ADAMTS13: variants seen among roughly 807,000 people sequenced by gnomAD.
ADAMTS13 encodes the protein A disintegrin and metalloproteinase with thrombospondin motifs 13.
ADAMTS13 carries 110 observed loss-of-function variants against 155.1 expected under a neutral mutation model. The ratio of observed to expected loss-of-function variants is 0.71; its 90% CI spans 0.61 to 0.83. The LOEUF is 0.83. ADAMTS13 is among the 40% of genes least tolerant of loss of function. The pLI, the probability that ADAMTS13 is intolerant of heterozygous loss-of-function variation, is 0.00. For missense variants in ADAMTS13, 1,707 were observed against 1,891.7 expected, an observed-to-expected ratio of 0.90 and a Z score of 1.81; for synonymous variants, 758 against 756.4, an observed-to-expected ratio of 1.00 and a Z score of -0.03.
In ADAMTS13 at chr9:133,425,969, C is replaced by T. The variant is rs377681196; in HGVS notation, c.446C>T (p.Ser149Leu). The change falls in exon 5 of 29, where the codon TCG (serine) becomes TTG (leucine). Residue 149 changes from serine (S) to leucine (L), a missense_variant. Ser to Leu is a moderately radical substitution (Grantham distance 145). Coordinates refer to ENST00000355699, the MANE Select transcript of ADAMTS13 (RefSeq NM_139027.6). The surrounding 1 kb of genome is among the most constrained non-coding windows in gnomAD (Gnocchi z 4.6). The part of the protein sequence containing the change: ...GAPNITANLT[S>L]SLLSVCGWSQ... ...CCAAATATCACAGCCAACCTCACCT[C>T]GTCCCTGCTGAGCGTCTGTGGGTGG... 8.7e-6 allele frequency: 14 copies of T among 1,613,772 alleles called. No homozygotes were observed. Among genetic ancestry groups the T allele is most frequent in the African/African-American group, 5.3e-5 (4 of 74,938 alleles).
upstream of ADAMTS13, among the ~76,000 whole-genome samples, chr9:133,418,745 T>A (rs1839825719): frequency 6.6e-6 from 1 of 152,212 alleles, no homozygotes. Context: ...TTCCATACAA[T>A]GTCTGAAATC....
chr9:133,456,439 A>C lies in ADAMTS13; in HGVS notation c.3548-104A>C. 1 of 1,458,674 alleles carries C rather than the reference A, an allele frequency of 6.9e-7. No individual in the cohort carries two copies. Among genetic ancestry groups the C allele is most frequent in the Non-Finnish European group, 9.4e-7 (1 of 1,065,634 alleles). 90.4% of individuals were successfully genotyped at this position (1,458,674 alleles called of 1,614,324 possible). On this transcript the variant is annotated intron_variant, in intron 26 of 28. Transcript: ENST00000355699. The surrounding 1 kb of genome is among the most constrained non-coding windows in gnomAD (Gnocchi z 4.4). Reference sequence around the variant, plus strand: ...AGTTACTTAGAGTCACATAGCCAGCAGTGGGAGAGGTGGGACTTGAACTCG... The same window carrying C: ...AGTTACTTAGAGTCACATAGCCAGCCGTGGGAGAGGTGGGACTTGAACTCG...
chr9:133,423,054 G>T, intron 1 of ADAMTS13, 47 bp from the exon 2 acceptor site: 1 of 1,575,604 alleles, frequency 6.3e-7, no homozygotes, highest in Non-Finnish European at 8.7e-7. Context: ...AGGATTACAG[G>T]CCAGAGCCAC....
intron 18 of ADAMTS13, 124 bp downstream of exon 18, chr9:133,442,867 T>TA: frequency 7.1e-7 from 1 of 1,411,376 alleles, no homozygotes; most frequent in Non-Finnish European, 9.4e-7. Flanking sequence ...CTGTGCAGGC[T>TA]CTCATTACCC....
chr9:133,451,629 G>A (rs1304083462), intron 23 of ADAMTS13, among the ~76,000 whole-genome samples: 1 of 152,126 alleles, frequency 6.6e-6, no homozygotes, highest in Non-Finnish European at 1.5e-5. Flanking sequence ...CATGGCTCAC[G>A]CCTGTAATCT....
chr9:133,433,157 G>A (rs587648494), intron 9 of ADAMTS13, among the ~76,000 whole-genome samples: 1 of 144,938 alleles, frequency 6.9e-6, no homozygotes, highest in East Asian at 2.1e-4. Flanking sequence ...CCATGTGGCT[G>A]GGGTACCTGT....
At chr9:133,417,502 A>G, upstream of ADAMTS13, 3 of 1,070,412 alleles carry the variant, frequency 2.8e-6, no homozygotes, top group South Asian at 4.2e-5. Context: ...AGCTGTTTAC[A>G]AGATTTCGAT....
At position 133,441,896 on chromosome 9, in the gene ADAMTS13, CT is replaced by C. The variant is rs35267948; in HGVS notation, c.1969-502del. Among the ~76,000 whole-genome samples, 7,060 of 152,302 alleles carry C rather than the reference CT, an allele frequency of 0.046. 235 individuals carry two copies. The highest frequency in any genetic ancestry group is 0.073 in the Non-Finnish European group (4,994 of 68,016). On this transcript the variant is annotated intron_variant, in intron 16 of 28. Transcript: ENST00000355699. This position sits in a 1 kb window ranked among gnomAD's most constrained non-coding sequence, Gnocchi z 5.0. ...TTAGCCCAGCCTAAGGTGGGCCTGC[CT>C]CCTCCACTGCACTTTATCCTCTACC...
In ADAMTS13 at chr9:133,445,220, G is replaced by A. The variant is rs903082255; in HGVS notation, c.2610+168G>A. ...TGCTCAGAAAAGAAGCTTAGAAAGA[G>A]GGCTCAGGGCCCCTGGGAAGGCTCC... On this transcript the variant is annotated intron_variant, in intron 20 of 28. Transcript: ENST00000355699. The surrounding 1 kb of genome is among the most constrained non-coding windows in gnomAD (Gnocchi z 5.0). 6.6e-6 allele frequency among the ~76,000 whole-genome samples: 1 copy of A among 152,246 alleles called. No individual in the cohort carries two copies. Among genetic ancestry groups the A allele is most frequent in the Non-Finnish European group, 1.5e-5 (1 of 68,036 alleles).
Position 133,449,898 on chromosome 9 carries a change from AC to A in ADAMTS13, c.2980del (p.Gln994SerfsTer127), listed in dbSNP as rs1554793886. ...CGATGGTGAGGAGATCCTGTTGGAC[AC>A]CCAGTGCCAGGGGCTGCCTCGCCCG... ...EDDGEEILLD[T>X]QCQGLPRPEP... On this transcript the variant is annotated frameshift_variant, in exon 23 of 29. Transcript: ENST00000355699. LOFTEE classifies it high-confidence loss of function. 6.2e-7 allele frequency: 1 copy of A among 1,613,636 alleles called. No homozygotes were observed.
intron 8 of ADAMTS13, 135 bp from the exon 9 acceptor site, chr9:133,432,453 G>A (rs1308092821): frequency 1.3e-6 from 1 of 782,124 alleles, no homozygotes; most frequent in Admixed American, 2.0e-5. Context: ...TCCTCTGAGG[G>A]CACCAGTGCC....
intron 22 of ADAMTS13, 97 bp from the exon 23 acceptor site, chr9:133,449,686 G>C: frequency 6.9e-7 from 1 of 1,441,118 alleles, no homozygotes; most frequent in South Asian, 1.2e-5. Context: ...CCAGCTTCCT[G>C]TCTCTTCCTA....
intron 7 of ADAMTS13, 184 bp from the exon 8 acceptor site, chr9:133,429,755 A>T: frequency 1.2e-6 from 1 of 820,342 alleles, no homozygotes; most frequent in Non-Finnish European, 2.0e-6. Context: ...CGCCGGCAGG[A>T]GCCTTAGTCT....
intron 28 of ADAMTS13, among the ~76,000 whole-genome samples, chr9:133,458,651 C>G (rs1306387517): frequency 2.7e-5 from 4 of 148,060 alleles, no homozygotes; most frequent in African/African-American, 9.9e-5. Context: ...CATAATTTTA[C>G]AGTCTGATAT....
rs587646741 is a variant in ADAMTS13 at position 133,454,058 on chromosome 9, C to T, written c.3045-357C>T. ...GGGAACTCGGCCTTCCCTTGCAGAA[C>T]GTGGGGTGTTGAGATCTGTCTCCTG... On this transcript the variant is annotated intron_variant, in intron 23 of 28. Transcript: ENST00000355699. Among the ~76,000 whole-genome samples, 10 of 152,194 alleles carry T rather than the reference C, an allele frequency of 6.6e-5. No individual in the cohort carries two copies. In the East Asian group the frequency reaches 7.7e-4, roughly 12 times the overall value.
intron 11 of ADAMTS13, among the ~76,000 whole-genome samples, chr9:133,434,580 C>T (rs893427419): frequency 3.3e-5 from 5 of 152,224 alleles, no homozygotes; most frequent in Non-Finnish European, 5.9e-5. Flanking sequence ...GCTGGGATTA[C>T]AGGTGTCACT....
chr9:133,415,299 C>T (rs782183490), intron 1 of ADAMTS13, among the ~76,000 whole-genome samples: 4 of 152,162 alleles, frequency 2.6e-5, no homozygotes, highest in Non-Finnish European at 4.4e-5. Context: ...ACCTTGGGTA[C>T]CTGTTGAGTG....
At chr9:133,417,549 A>G (rs1839729631), upstream of ADAMTS13, 4 of 1,514,262 alleles carry the variant, frequency 2.6e-6, no homozygotes, top group South Asian at 2.3e-5. Context: ...GGGCTACCCA[A>G]GTCTTTCCCT....
Position 133,439,368 on chromosome 9 carries a change from T to C in ADAMTS13, c.1708T>C (p.Tyr570His). 6.2e-7 allele frequency: 1 copy of C among 1,609,302 alleles called. No homozygotes were observed. The highest frequency in any genetic ancestry group is 1.1e-5 in the South Asian group (1 of 90,960). ...TCTCCTTCTTTTCTTCTTTCTAGAATATGTCACGTTTCTGACAGTTACCCC... is the reference window on the plus strand; with the variant it reads ...TCTCCTTCTTTTCTTCTTTCTAGAACATGTCACGTTTCTGACAGTTACCCC... ...GSFTAGRARE[Y>H]VTFLTVTPNL... The change falls in exon 15 of 29, where the codon TAT (tyrosine) becomes CAT (histidine). Residue 570 changes from tyrosine (Y) to histidine (H), a missense_variant and splice_region_variant. Physicochemically the swap from Tyr to His is moderately conservative, Grantham distance 83 (BLOSUM62 2). Around this residue, in one of 3 missense-constraint regions of ADAMTS13, gnomAD observed 961 missense variants for 1,107.9 expected, o/e 0.87. Coordinates refer to ENST00000355699, the MANE Select transcript of ADAMTS13 (RefSeq NM_139027.6).
Sources: allele counts gnomAD v4.1 joint callset (sites outside exome capture counted in the v4.1 genomes callset), GRCh38; gene constraint gnomAD v4.1.1; regional missense constraint gnomAD v4.1.1; non-coding constraint Gnocchi (gnomAD v3.1); transcripts MANE v1.5; gene names NCBI Gene and HGNC (gene_info 2026-07-23, HGNC 2026-07-21).